Variants in IQSEC1 observed in about 807,000 individuals in gnomAD.
IQSEC1 encodes the protein IQ motif and Sec7 domain ArfGEF 1.
Under a neutral mutation model 91.0 loss-of-function variants are expected in IQSEC1, and 31 were observed. That is an observed-to-expected ratio of 0.34 (90% confidence interval 0.26 to 0.46). The LOEUF (loss-of-function observed/expected upper bound fraction) is 0.46, where lower values mean the gene tolerates loss of function less well. Ranked by LOEUF, IQSEC1 falls within the 20% of genes least tolerant of loss-of-function variation. The probability of loss-of-function intolerance (pLI) is 1.00; values close to 1 mark genes in which losing one functional copy is unlikely to be tolerated. For missense variants in IQSEC1, 1,388 were observed against 1,575.6 expected (o/e 0.88, Z 2.02); for synonymous variants, 699 against 662.6 (o/e 1.05, Z -0.84).
chr3:13,023,320 A>G (rs1576180571), intron 1 of IQSEC1, among the ~76,000 whole-genome samples: 1 of 152,292 alleles, frequency 6.6e-6, no homozygotes, highest in Middle Eastern at 3.4e-3. Flanking sequence ...GGTCTCCACC[A>G]GCTGCTCCCA....
At chr3:13,125,332 C>A (rs1347522174) in intron 2 of IQSEC1, among the ~76,000 whole-genome samples, 3 of 152,218 alleles carry the variant, frequency 2.0e-5, no homozygotes, top group Non-Finnish European at 2.9e-5. Context: ...TGACCTCCCA[C>A]CCCCACCTCC....
intron 2 of IQSEC1, among the ~76,000 whole-genome samples, chr3:13,102,488 TTC>T (rs1706082810): frequency 6.6e-6 from 1 of 151,946 alleles, no homozygotes; most frequent in Admixed American, 6.6e-5. Context: ...TTCTCTGAGC[TTC>T]TGTTTGCTCA....
At position 13,241,733 on chromosome 3, in the gene IQSEC1, G is replaced by A. The variant is rs117857976; in HGVS notation, c.272+40978C>T. ...CGTGTTTCAGAAACAGGGCTGGCAG[G>A]TCCTTGCCAGCTGGGCTCATCCCAG... is the stretch of plus-strand genomic sequence containing the variant. On this transcript the variant is annotated intron_variant, in intron 1 of 15. Coordinates refer to the IQSEC1 transcript ENST00000648114. 1.0e-3 allele frequency among the ~76,000 whole-genome samples: 157 copies of A among 152,366 alleles called. 1 individual carries two copies. The East Asian group carries it at 0.028, about 27-fold the overall frequency.
intron 1 of IQSEC1, among the ~76,000 whole-genome samples, chr3:12,978,598 G>A (rs1196635011): frequency 6.6e-6 from 1 of 151,948 alleles, no homozygotes; most frequent in South Asian, 2.1e-4. Flanking sequence ...CCAGCTACTC[G>A]GGAGGCTGAG....
At chr3:13,030,454 A>G (rs772268625) in intron 1 of IQSEC1, among the ~76,000 whole-genome samples, 3 of 152,196 alleles carry the variant, frequency 2.0e-5, no homozygotes, top group Non-Finnish European at 4.4e-5. Flanking sequence ...TATTTATTAA[A>G]TATTTTCTTT....
At chr3:13,015,718 G>A (rs1450890269) in intron 1 of IQSEC1, 3 of 985,300 alleles carry the variant, frequency 3.0e-6, no homozygotes, top group Admixed American at 1.2e-4. Context: ...CGGCATCCAG[G>A]AAACCACACC....
At chr3:13,118,514 G>A (rs949334869) in intron 2 of IQSEC1, among the ~76,000 whole-genome samples, 15 of 152,140 alleles carry the variant, frequency 9.9e-5, no homozygotes, top group African/African-American at 1.7e-4. Context: ...GCTACTACAC[G>A]GATGACCTTG....
At chr3:12,951,522 C>A (rs1475872547) in intron 1 of IQSEC1, among the ~76,000 whole-genome samples, 4 of 151,956 alleles carry the variant, frequency 2.6e-5, no homozygotes, top group Non-Finnish European at 5.9e-5. Context: ...TGAGGGCTTT[C>A]CCAGGGGAGG....
intron 1 of IQSEC1, among the ~76,000 whole-genome samples, chr3:12,952,958 G>A (rs1350185981): frequency 1.3e-5 from 2 of 152,252 alleles, no homozygotes; most frequent in Non-Finnish European, 2.9e-5. Context: ...GCCGGAGGAA[G>A]AGGTCGGGCT....
At chr3:13,283,030 GGCGGCGGCGGCGCGGCCATGGCTGC>G (rs1695827437) in exon 1 of IQSEC1, among the ~76,000 whole-genome samples, 1 of 145,364 alleles carries the variant, frequency 6.9e-6, no homozygotes, top group Non-Finnish European at 1.5e-5. Flanking sequence ...CGGGCGGCGG[GGCGGCGGCGGCGCGGCCATGGCTGC>G]GCGGCGGGGA....
At chr3:12,959,734 C>T (rs1028193303) in intron 1 of IQSEC1, among the ~76,000 whole-genome samples, 5 of 152,184 alleles carry the variant, frequency 3.3e-5, no homozygotes, top group South Asian at 2.1e-4. Flanking sequence ...ATCAACAAAA[C>T]GTCTGGGATT....
chr3:13,112,638 C>T (rs555167236), intron 2 of IQSEC1, among the ~76,000 whole-genome samples: 2 of 152,386 alleles, frequency 1.3e-5, no homozygotes, highest in East Asian at 1.9e-4. Flanking sequence ...AGGAGCCTCG[C>T]ACAGACAGTG....
chr3:13,076,537 G>A (rs530113968), upstream of IQSEC1, among the ~76,000 whole-genome samples: 1 of 152,212 alleles, frequency 6.6e-6, no homozygotes, highest in South Asian at 2.1e-4. Context: ...GACGGAGAAG[G>A]TTGGAGCATG....
At chr3:13,255,863 T>TA (rs913554382) in intron 1 of IQSEC1, among the ~76,000 whole-genome samples, 27 of 152,318 alleles carry the variant, frequency 1.8e-4, no homozygotes, top group African/African-American at 6.5e-4. Context: ...TTCAACCTCT[T>TA]AAACCAGGGG....
At chr3:13,245,674 C>T (rs762862517) in intron 1 of IQSEC1, among the ~76,000 whole-genome samples, 17 of 150,624 alleles carry the variant, frequency 1.1e-4, no homozygotes, top group Non-Finnish European at 2.2e-4. Flanking sequence ...GGCTGAGGCA[C>T]GAGAATCGCT....
intron 1 of IQSEC1, among the ~76,000 whole-genome samples, chr3:13,011,353 A>G (rs535831406): frequency 6.6e-6 from 1 of 152,298 alleles, no homozygotes; most frequent in Admixed American, 6.5e-5. Flanking sequence ...TTACTTGGGG[A>G]TAATCATCAC....
At chr3:13,239,774 G>A (rs34562987) in intron 1 of IQSEC1, among the ~76,000 whole-genome samples, 4,153 of 152,342 alleles carry the variant, frequency 0.027, 62 homozygotes, top group South Asian at 0.043. Context: ...GAAATAAGCC[G>A]GACACAGAAG....
At chr3:12,985,123 C>T (rs1460844029) in intron 1 of IQSEC1, among the ~76,000 whole-genome samples, 5 of 152,272 alleles carry the variant, frequency 3.3e-5, no homozygotes, top group East Asian at 1.9e-4. Context: ...CGCGCCCAGC[C>T]GCAATTACAT....
At chr3:13,230,220 C>T (rs1157514185) in intron 1 of IQSEC1, among the ~76,000 whole-genome samples, 3 of 152,108 alleles carry the variant, frequency 2.0e-5, no homozygotes, top group African/African-American at 7.2e-5. Context: ...AAGATGGGTG[C>T]CCTTTAGAGT....
Sources: allele counts gnomAD v4.1 joint callset (sites outside exome capture counted in the v4.1 genomes callset), GRCh38; gene constraint gnomAD v4.1.1; transcripts MANE v1.5; gene names NCBI Gene and HGNC (gene_info 2026-07-23, HGNC 2026-07-21).